Variants in FOXO1 observed in about 807,000 individuals in gnomAD.
FOXO1 encodes forkhead box protein O1.
FOXO1 carries 6 observed loss-of-function variants against 44.1 expected under a neutral mutation model. The ratio of observed to expected loss-of-function variants is 0.14; its 90% confidence interval spans 0.07 to 0.27. The LOEUF is 0.27. Ranked by LOEUF, FOXO1 falls within the 10% of genes least tolerant of loss-of-function variation. The pLI is 1.00. For missense variants in FOXO1, 737 were observed against 888.8 expected (o/e 0.83, Z 2.17); for synonymous variants, 380 against 362.7 (o/e 1.05, Z -0.54).
intron 1 of FOXO1, among the ~76,000 whole-genome samples, chr13:40,640,577 T>C (rs1156987077): frequency 3.9e-5 from 6 of 152,220 alleles, no homozygotes; most frequent in Non-Finnish European, 1.5e-5. Context: ...TTCCTGTGCA[T>C]GCAATAGAGA....
At chr13:40,563,151 A>T (rs1043080634) in intron 1 of FOXO1, among the ~76,000 whole-genome samples, 1 of 152,164 alleles carries the variant, frequency 6.6e-6, no homozygotes, top group Non-Finnish European at 1.5e-5. Flanking sequence ...ATTTGTGGTC[A>T]CCCAGGGGTG....
intron 1 of FOXO1, among the ~76,000 whole-genome samples, chr13:40,664,925 CGCACGTGTCGGAG>C (rs1878173351): frequency 6.6e-6 from 1 of 151,888 alleles, no homozygotes; most frequent in African/African-American, 2.4e-5. Flanking sequence ...GCCGCCCCTT[CGCACGTGTCGGAG>C]GCACCACCTC....
intron 1 of FOXO1, among the ~76,000 whole-genome samples, chr13:40,613,699 C>T (rs1216415928): frequency 6.6e-6 from 1 of 152,132 alleles, no homozygotes; most frequent in African/African-American, 2.4e-5. Flanking sequence ...GAAACAGGTC[C>T]CCAAAGAGGA....
intron 1 of FOXO1, among the ~76,000 whole-genome samples, chr13:40,646,686 C>T (rs1369277802): frequency 2.0e-5 from 3 of 152,222 alleles, no homozygotes; most frequent in East Asian, 3.9e-4. Context: ...CACCGCCTCC[C>T]GGGTTAATGA....
At chr13:40,600,988 T>C (rs1875796769) in intron 1 of FOXO1, among the ~76,000 whole-genome samples, 1 of 152,198 alleles carries the variant, frequency 6.6e-6, no homozygotes, top group Admixed American at 6.5e-5. Flanking sequence ...AGATCAGGGT[T>C]TGCAGTTAAT....
intron 1 of FOXO1, among the ~76,000 whole-genome samples, chr13:40,606,168 G>C (rs1327807606): frequency 6.6e-6 from 1 of 152,150 alleles, no homozygotes; most frequent in Non-Finnish European, 1.5e-5. Context: ...CTATCAAGTT[G>C]ACAGTTTTCC....
chr13:40,637,252 G>A (rs1031401611), intron 1 of FOXO1, among the ~76,000 whole-genome samples: 4 of 152,004 alleles, frequency 2.6e-5, no homozygotes, highest in Non-Finnish European at 4.4e-5. Context: ...AGGCCATCCT[G>A]GCTAACACGG....
At chr13:40,629,712 T>C (rs1345788986) in intron 1 of FOXO1, among the ~76,000 whole-genome samples, 1 of 152,186 alleles carries the variant, frequency 6.6e-6, no homozygotes, top group Non-Finnish European at 1.5e-5. Context: ...ATTTTCAGAT[T>C]AGGAATATTC....
rs568566019 is a variant in FOXO1, at chr13:40,602,898, G to A, written c.631-42038C>T. On this transcript the variant is annotated intron_variant, in intron 1 of 2. Transcript: ENST00000379561. ...CACCTACCTGGTAAGTCTTCTGCAA[G>A]TTACACTACCATAAAATTAGTAGAG... Among the ~76,000 whole-genome samples the A allele has an allele frequency of 5.3e-5, 8 of 152,302 alleles. No homozygotes were observed. In the East Asian group the frequency reaches 1.2e-3, roughly 22 times the overall value.
chr13:40,661,320 G>C (rs1215306022), intron 1 of FOXO1, among the ~76,000 whole-genome samples: 1 of 151,804 alleles, frequency 6.6e-6, no homozygotes, highest in African/African-American at 2.4e-5. Context: ...CTGTTGCCCA[G>C]GTTGGAGGTC....
chr13:40,659,572 TGAG>T (rs1182460901), intron 1 of FOXO1, among the ~76,000 whole-genome samples: 1 of 151,852 alleles, frequency 6.6e-6, no homozygotes, highest in Non-Finnish European at 1.5e-5. Flanking sequence ...AATTGTATGA[TGAG>T]GAGCTGCAGA....
intron 1 of FOXO1, among the ~76,000 whole-genome samples, chr13:40,578,921 A>G (rs1422784553): frequency 6.6e-6 from 1 of 152,148 alleles, no homozygotes; most frequent in African/African-American, 2.4e-5. Flanking sequence ...GACAGACTAT[A>G]CCATGAAACT....
At chr13:40,636,142 G>A (rs544721906) in intron 1 of FOXO1, among the ~76,000 whole-genome samples, 1 of 152,156 alleles carries the variant, frequency 6.6e-6, no homozygotes, top group East Asian at 1.9e-4. Context: ...TTGAACCTGG[G>A]AGGCGGAGGT....
chr13:40,576,374 C>G (rs1441916838), intron 1 of FOXO1, among the ~76,000 whole-genome samples: 1 of 152,216 alleles, frequency 6.6e-6, no homozygotes, highest in African/African-American at 2.4e-5. Flanking sequence ...AGCAAAGCGC[C>G]AAACCTGTCT....
At chr13:40,566,854 G>C (rs1490450694) in intron 1 of FOXO1, among the ~76,000 whole-genome samples, 1 of 152,048 alleles carries the variant, frequency 6.6e-6, no homozygotes, top group African/African-American at 2.4e-5. Flanking sequence ...AGTCTTCTAG[G>C]AGCCTGAAGG....
intron 1 of FOXO1, among the ~76,000 whole-genome samples, chr13:40,565,097 C>T (rs767467925): frequency 4.3e-4 from 65 of 150,982 alleles, no homozygotes; most frequent in Non-Finnish European, 6.9e-4. Context: ...ATATCATAGC[C>T]TCAATAACTG....
chr13:40,644,596 A>C (rs1297599825), intron 1 of FOXO1, among the ~76,000 whole-genome samples: 1 of 152,192 alleles, frequency 6.6e-6, no homozygotes, highest in Non-Finnish European at 1.5e-5. Context: ...GGAACTTCTA[A>C]AGTGTTTTTC....
At chr13:40,617,292 A>G (rs945897359) in intron 1 of FOXO1, among the ~76,000 whole-genome samples, 3 of 152,310 alleles carry the variant, frequency 2.0e-5, no homozygotes, top group Admixed American at 6.5e-5. Flanking sequence ...CTAAAAATAC[A>G]AAATTAGCCG....
chr13:40,658,275 G>T (rs140144571), intron 1 of FOXO1, among the ~76,000 whole-genome samples: 1 of 152,136 alleles, frequency 6.6e-6, no homozygotes, highest in African/African-American at 2.4e-5. Flanking sequence ...AATGGTTAGC[G>T]GGTAGGAACG....
Sources: gnomAD v4.1 joint callset for allele counts (sites outside exome capture counted in the v4.1 genomes callset) on GRCh38, gnomAD v4.1.1 for gene constraint, MANE v1.5 for transcripts, NCBI Gene and HGNC (gene_info 2026-07-23, HGNC 2026-07-21) for gene names.